Variants in ZFP90 observed in about 807,000 individuals in gnomAD.
ZFP90 encodes ZFP90 zinc finger protein, also known as zinc finger protein 90 homolog.
In ZFP90, 38 loss-of-function variants were observed where a neutral mutation model predicts 60.8. That is an observed-to-expected ratio of 0.62 (90% CI 0.48 to 0.82). ZFP90 has a LOEUF of 0.82. ZFP90 is among the 40% of genes least tolerant of loss of function. The pLI is 0.00. For synonymous variants in ZFP90, 287 were observed against 264.8 expected, an observed-to-expected ratio of 1.08 and a Z score of -0.82; for missense variants, 711 against 759.1, an observed-to-expected ratio of 0.94 and a Z score of 0.74.
chr16:68,537,977 A>G (rs1399274681), upstream of ZFP90, among the ~76,000 whole-genome samples: 1 of 151,904 alleles, frequency 6.6e-6, no homozygotes, highest in Non-Finnish European at 1.5e-5. Flanking sequence ...CAATGGTGCA[A>G]TCTCGGCTCA....
intron 2 of ZFP90, among the ~76,000 whole-genome samples, chr16:68,556,497 T>C (rs868050833): frequency 2.6e-5 from 4 of 152,218 alleles, no homozygotes; most frequent in Admixed American, 1.3e-4. Flanking sequence ...CTGGAAATAA[T>C]CACAGTACCT....
rs2091519231 is a variant in ZFP90, at chr16:68,565,905, G to A, written c.*1207G>A. On this transcript the variant is annotated 3_prime_UTR_variant, in exon 5 of 5. Transcript: ENST00000563169. ...TTTGGGTGGCTAAGGCAGATAGACT[G>A]CTTGAACCCAGGAGTTCAAGACCAG... 1.1e-6 allele frequency: 1 copy of A among 938,424 alleles called. No homozygotes were observed. The highest frequency in any genetic ancestry group is 1.8e-5 in the African/African-American group (1 of 55,962). The allele number at this position is 938,424 out of a possible 1,614,324, so 58.1% of individuals were successfully genotyped here.
At chr16:68,551,415 CTTTTTTTT>C (rs10538200) in intron 2 of ZFP90, among the ~76,000 whole-genome samples, 4 of 123,018 alleles carry the variant, frequency 3.3e-5, no homozygotes. Flanking sequence ...ACATGTGATC[CTTTTTTTT>C]TTTTTTTTTT....
intron 2 of ZFP90, among the ~76,000 whole-genome samples, chr16:68,574,619 T>TA (rs1418012217): frequency 1.3e-5 from 2 of 152,052 alleles, no homozygotes; most frequent in Non-Finnish European, 2.9e-5. Flanking sequence ...CTGGAGGCAT[T>TA]TTGCTGATGA....
intron 2 of ZFP90, among the ~76,000 whole-genome samples, chr16:68,555,667 G>T (rs941075941): frequency 1.3e-5 from 2 of 152,126 alleles, no homozygotes; most frequent in Non-Finnish European, 2.9e-5. Flanking sequence ...TAGATGAGTA[G>T]GTTTGTTTGA....
intron 2 of ZFP90, among the ~76,000 whole-genome samples, chr16:68,544,156 C>G (rs2091103315): frequency 6.6e-6 from 1 of 152,182 alleles, no homozygotes; most frequent in Non-Finnish European, 1.5e-5. Flanking sequence ...ACTGGCTGGC[C>G]TCTTTTTCAT....
downstream of ZFP90, among the ~76,000 whole-genome samples, chr16:68,569,158 A>G (rs867633139): frequency 2.7e-4 from 6 of 22,108 alleles, no homozygotes; most frequent in East Asian, 8.4e-3. Context: ...TTTTTTTGAG[A>G]TGGAGTCTCA....
At chr16:68,541,081 G>C (rs1440671697) in intron 2 of ZFP90, among the ~76,000 whole-genome samples, 2 of 151,474 alleles carry the variant, frequency 1.3e-5, no homozygotes, top group African/African-American at 4.9e-5. Context: ...TGTCACCCAG[G>C]CTGAAGTGTA....
chr16:68,569,906 G>A (rs1597759261), downstream of ZFP90, among the ~76,000 whole-genome samples: 4 of 151,786 alleles, frequency 2.6e-5, no homozygotes, highest in African/African-American at 7.3e-5. Flanking sequence ...GTCCTCTAGT[G>A]TATTAGATCC....
At chr16:68,553,187 C>T (rs1223885313) in intron 2 of ZFP90, among the ~76,000 whole-genome samples, 3 of 151,812 alleles carry the variant, frequency 2.0e-5, no homozygotes, top group African/African-American at 2.4e-5. Flanking sequence ...GGATATAGAC[C>T]GTAAACATGA....
intron 4 of ZFP90, among the ~76,000 whole-genome samples, 192 bp downstream of exon 4, chr16:68,558,760 TG>T (rs1395913417): frequency 1.3e-5 from 2 of 152,208 alleles, no homozygotes; most frequent in Non-Finnish European, 2.9e-5. Flanking sequence ...ATTTTTCCTC[TG>T]GTGGCCTCTG....
rs1039792116 is a variant in ZFP90 at position 68,566,389 on chromosome 16, G to A, written c.*1691G>A. On this transcript the variant is annotated 3_prime_UTR_variant, in exon 5 of 5. Coordinates refer to ENST00000563169, the MANE Select transcript of ZFP90 (RefSeq NM_001305203.2). ...TGAATCATGGGGCAAGATATTGGTC[G>A]TATTGATGGTGAACCTTTCCTACTG... is the stretch of plus-strand genomic sequence containing the variant. 2.1e-5 allele frequency: 21 copies of A among 985,392 alleles called. No homozygotes were observed. The highest frequency in any genetic ancestry group is 4.7e-5 in the South Asian group (1 of 21,282). The allele number at this position is 985,392 out of a possible 1,614,324, so 61.0% of individuals were successfully genotyped here.
At chr16:68,546,888 G>A (rs913096176) in intron 2 of ZFP90, among the ~76,000 whole-genome samples, 8 of 152,192 alleles carry the variant, frequency 5.3e-5, no homozygotes, top group Non-Finnish European at 1.0e-4. Context: ...CTAAGTCGTA[G>A]CATATATCAG....
In ZFP90 at chr16:68,564,068, C is replaced by T. The variant is rs748528119; in HGVS notation, c.1281C>T (p.Tyr427=). 1.2e-6 allele frequency: 2 copies of T among 1,614,072 alleles called. No individual in the cohort carries two copies. Among genetic ancestry groups the T allele is most frequent in the South Asian group, 1.1e-5 (1 of 91,080 alleles). The part of the protein sequence containing the change: ...KRGKPYQSSN[Y]SIDFKHSTSL... ...GCAAACCTTACCAAAGCAGTAACTACAGCATAGATTTCAAGCACAGCACAT... is the reference window on the plus strand; with the variant it reads ...GCAAACCTTACCAAAGCAGTAACTATAGCATAGATTTCAAGCACAGCACAT... The change falls in exon 5 of 5, where the codon TAC becomes TAT. Residue 427 remains tyrosine (Y), a synonymous_variant. Transcript: ENST00000563169.
intron 2 of ZFP90, among the ~76,000 whole-genome samples, chr16:68,554,195 C>T (rs534907800): frequency 6.6e-6 from 1 of 151,298 alleles, no homozygotes; most frequent in South Asian, 2.1e-4. Context: ...TGTCTCGGCT[C>T]ATTGCAGTTT....
At chr16:68,546,827 A>T (rs890363665) in intron 2 of ZFP90, among the ~76,000 whole-genome samples, 1 of 152,226 alleles carries the variant, frequency 6.6e-6, no homozygotes, top group Non-Finnish European at 1.5e-5. Context: ...CACACAGTAT[A>T]TCTTTTTGTG....
Position 68,566,555 on chromosome 16 carries a change from G to A in ZFP90, c.*1857G>A. On this transcript the variant is annotated 3_prime_UTR_variant, in exon 5 of 5. Transcript: ENST00000563169. The stretch of plus-strand genomic sequence containing the variant: ...AAATGTAATATGTGTAGCTCAATTA[G>A]TCTCTCCTCTGTGATGCAAAATGGA... 1 of 985,528 alleles carries A rather than the reference G, an allele frequency of 1.0e-6. No homozygotes were observed. The highest frequency in any genetic ancestry group is 1.2e-6 in the Non-Finnish European group (1 of 829,940). The allele number at this position is 985,528 out of a possible 1,614,324, so 61.0% of individuals were successfully genotyped here.
In ZFP90 at chr16:68,567,032, A is replaced by G; in HGVS notation, c.*2334A>G. ...GAAGGCTTTCTTAGTCCCAACAGCCATGAACCATGCACTTATGGATACCCA... is the reference window on the plus strand; with the variant it reads ...GAAGGCTTTCTTAGTCCCAACAGCCGTGAACCATGCACTTATGGATACCCA... On this transcript the variant is annotated 3_prime_UTR_variant, in exon 5 of 5. Coordinates refer to ENST00000563169, the MANE Select transcript of ZFP90 (RefSeq NM_001305203.2). The G allele has an allele frequency of 1.0e-6, 1 of 985,622 alleles. No homozygotes were observed. The highest frequency in any genetic ancestry group is 1.2e-6 in the Non-Finnish European group (1 of 829,954). 61.1% of individuals were successfully genotyped at this position (985,622 alleles called of 1,614,324 possible).
chr16:68,576,050 A>G (rs893026993), exon 3 of ZFP90: 2 of 367,608 alleles, frequency 5.4e-6, no homozygotes, highest in Admixed American at 9.2e-5. Flanking sequence ...TAAAAAAAAA[A>G]AAAAAAAGCA....
Sources: gnomAD v4.1 joint callset for allele counts (sites outside exome capture counted in the v4.1 genomes callset) on GRCh38, gnomAD v4.1.1 for gene constraint, MANE v1.5 for transcripts, NCBI Gene and HGNC (gene_info 2026-07-23, HGNC 2026-07-21) for gene names.